Variants in HS6ST3 observed in about 807,000 individuals in gnomAD.
HS6ST3 encodes heparan-sulfate 6-O-sulfotransferase 3.
Under a neutral mutation model 36.7 loss-of-function variants are expected in HS6ST3, and 12 were observed. The ratio of observed to expected loss-of-function variants is 0.33; its 90% CI spans 0.21 to 0.53. The LOEUF is 0.53. HS6ST3 is among the 20% of genes least tolerant of loss of function. The pLI, the probability that HS6ST3 is intolerant of heterozygous loss-of-function variation, is 0.95. For missense variants in HS6ST3, 584 were observed against 640.9 expected (o/e 0.91, Z 0.96); for synonymous variants, 240 against 257.5 (o/e 0.93, Z 0.65).
chr13:96,325,555 G>A (rs901959301), intron 1 of HS6ST3, among the ~76,000 whole-genome samples: 6 of 152,148 alleles, frequency 3.9e-5, no homozygotes, highest in African/African-American at 1.4e-4. Context: ...ATCCGGAGAA[G>A]ATTTAAAGTA....
At chr13:96,293,587 G>T (rs1330719318) in intron 1 of HS6ST3, among the ~76,000 whole-genome samples, 1 of 152,092 alleles carries the variant, frequency 6.6e-6, no homozygotes, top group Non-Finnish European at 1.5e-5. Flanking sequence ...CAAGATGGAA[G>T]TGTTATTCAG....
At chr13:96,221,962 G>T (rs2054457861) in intron 1 of HS6ST3, among the ~76,000 whole-genome samples, 3 of 152,130 alleles carry the variant, frequency 2.0e-5, no homozygotes, top group Admixed American at 2.0e-4. Context: ...TTAAGATGGT[G>T]AATTAACTGT....
intron 1 of HS6ST3, among the ~76,000 whole-genome samples, chr13:96,315,489 A>G (rs1052739719): frequency 3.9e-5 from 6 of 152,090 alleles, no homozygotes; most frequent in African/African-American, 1.4e-4. Context: ...AGGTTTTTAG[A>G]TTAATACAGG....
intron 1 of HS6ST3, among the ~76,000 whole-genome samples, chr13:96,512,548 G>GT (rs988397578): frequency 4.0e-5 from 6 of 151,724 alleles, no homozygotes; most frequent in Non-Finnish European, 5.9e-5. Flanking sequence ...TATTGTGGGT[G>GT]TTTTTTTTGT....
intron 1 of HS6ST3, among the ~76,000 whole-genome samples, chr13:96,702,503 C>T (rs1349738651): frequency 6.6e-6 from 1 of 152,160 alleles, no homozygotes; most frequent in Non-Finnish European, 1.5e-5. Flanking sequence ...ATATTCCTGC[C>T]ATGCTTTCAA....
In HS6ST3 at chr13:96,345,827, G is replaced by A. The variant is rs533932089; in HGVS notation, c.707+254258G>A. On this transcript the variant is annotated intron_variant, in intron 1 of 1. Coordinates refer to ENST00000376705, the MANE Select transcript of HS6ST3 (RefSeq NM_153456.4). The stretch of plus-strand genomic sequence containing the variant: ...ACACATAAAATACACTAACATGAAT[G>A]ATATCTAATGAGCTAAAAAATATAA... 3.9e-5 allele frequency among the ~76,000 whole-genome samples: 6 copies of A among 152,212 alleles called. 1 individual carries two copies. Among genetic ancestry groups the A allele is most frequent in the African/African-American group, 1.4e-4 (6 of 41,522 alleles).
rs533177124 is a variant in HS6ST3, at chr13:96,515,444, C to T, written c.708-317046C>T. Among the ~76,000 whole-genome samples the T allele has an allele frequency of 3.0e-4, 45 of 152,190 alleles. No homozygotes were observed. In the South Asian group the frequency reaches 9.4e-3, roughly 32 times the overall value. The stretch of plus-strand genomic sequence containing the variant: ...TAGAGTTGCTTCTGCTTTATTCTTT[C>T]CTGCACATGCAGAGCACATTCACGT... On this transcript the variant is annotated intron_variant, in intron 1 of 1. Transcript: ENST00000376705.
intron 1 of HS6ST3, among the ~76,000 whole-genome samples, chr13:96,736,063 A>T (rs1876277767): frequency 6.6e-6 from 1 of 152,140 alleles, no homozygotes; most frequent in African/African-American, 2.4e-5. Context: ...ACTGGGGCCC[A>T]TCAGAAGGTG....
At chr13:96,791,222 G>A (rs148270070) in intron 1 of HS6ST3, among the ~76,000 whole-genome samples, 1 of 152,072 alleles carries the variant, frequency 6.6e-6, no homozygotes, top group African/African-American at 2.4e-5. Flanking sequence ...ATTACATTGG[G>A]AAGCTTCTAT....
chr13:96,793,009 C>T (rs1301849554), intron 1 of HS6ST3, among the ~76,000 whole-genome samples: 1 of 152,052 alleles, frequency 6.6e-6, no homozygotes, highest in Non-Finnish European at 1.5e-5. Context: ...TCTCTTTGGT[C>T]ATGTGTGGTC....
intron 1 of HS6ST3, among the ~76,000 whole-genome samples, chr13:96,518,292 G>A (rs1442791982): frequency 6.6e-6 from 1 of 152,080 alleles, no homozygotes; most frequent in African/African-American, 2.4e-5. Context: ...AATTAAATAT[G>A]TCTTATCTGT....
chr13:96,475,259 G>T (rs761081952), intron 1 of HS6ST3, among the ~76,000 whole-genome samples: 1 of 152,098 alleles, frequency 6.6e-6, no homozygotes, highest in African/African-American at 2.4e-5. Flanking sequence ...CCATGACTTA[G>T]AAGCTGCTCC....
At chr13:96,149,686 A>C (rs532550761) in intron 1 of HS6ST3, among the ~76,000 whole-genome samples, 29 of 152,332 alleles carry the variant, frequency 1.9e-4, no homozygotes, top group Admixed American at 1.6e-3. Flanking sequence ...CCTCCCCTAT[A>C]ATGGCAGTTT....
chr13:96,575,606 A>G (rs1442995386), intron 1 of HS6ST3, among the ~76,000 whole-genome samples: 1 of 152,238 alleles, frequency 6.6e-6, no homozygotes, highest in East Asian at 1.9e-4. Flanking sequence ...GTAATTTCAC[A>G]AGGCAGATCT....
At chr13:96,549,694 G>T (rs1231860899) in intron 1 of HS6ST3, among the ~76,000 whole-genome samples, 1 of 151,932 alleles carries the variant, frequency 6.6e-6, no homozygotes, top group African/African-American at 2.4e-5. Flanking sequence ...TTATGAGAAG[G>T]CCTGAGAACA....
chr13:96,573,288 A>AT (rs201928083), intron 1 of HS6ST3, among the ~76,000 whole-genome samples: 1 of 152,030 alleles, frequency 6.6e-6, no homozygotes, highest in Non-Finnish European at 1.5e-5. Context: ...AGTACCTTTT[A>AT]TTTTTTTCTT....
intron 1 of HS6ST3, among the ~76,000 whole-genome samples, chr13:96,580,093 C>T (rs1230339366): frequency 2.0e-5 from 3 of 151,448 alleles, no homozygotes; most frequent in Non-Finnish European, 2.9e-5. Flanking sequence ...ATATTTTTCT[C>T]CAAAATCCCT....
chr13:96,466,909 G>C (rs2055817190), intron 1 of HS6ST3, among the ~76,000 whole-genome samples: 1 of 152,166 alleles, frequency 6.6e-6, no homozygotes, highest in African/African-American at 2.4e-5. Context: ...AGAAGATAGT[G>C]GGTACCCCTA....
chr13:96,389,912 G>A (rs545578817), intron 1 of HS6ST3, among the ~76,000 whole-genome samples: 3 of 152,252 alleles, frequency 2.0e-5, no homozygotes, highest in South Asian at 4.2e-4. Context: ...ACAATTTTAT[G>A]TTTACTGAGG....
Sources: allele counts gnomAD v4.1 joint callset (sites outside exome capture counted in the v4.1 genomes callset), GRCh38; gene constraint gnomAD v4.1.1; transcripts MANE v1.5; gene names NCBI Gene and HGNC (gene_info 2026-07-23, HGNC 2026-07-21).